The following ZNF469 variants were observed in gnomAD, a reference collection of about 807,000 sequenced individuals.
ZNF469 encodes zinc finger protein 469.
Under a neutral mutation model 1.0 loss-of-function variants are expected in ZNF469, and 1 was observed. The observed-to-expected ratio is 1.00, with a 90% CI of 0.35 to 4.73. The LOEUF (loss-of-function observed/expected upper bound fraction) is 4.73. ZNF469 is among the 30% of genes most tolerant of loss of function. The probability of loss-of-function intolerance (pLI) is 0.16; values close to 1 mark genes in which losing one functional copy is unlikely to be tolerated. For missense variants in ZNF469, 6,100 were observed against 5,356.3 expected (o/e 1.14, Z -4.33); for synonymous variants, 2,703 against 2,363.4 (o/e 1.14, Z -4.17).
At chr16:88,381,146 A>ACTCACACACG (rs199678581), upstream of ZNF469, among the ~76,000 whole-genome samples, 82 of 122,042 alleles carry the variant, frequency 6.7e-4, 1 homozygote, top group African/African-American at 2.8e-3. Context: ...ACTCACACAC[A>ACTCACACACG]CACTCACACA....
At position 88,421,823 on chromosome 16, in the gene ZNF469, T is replaced by C. The variant is rs114679653; in HGVS notation, c.-191-2984T>C. Among the ~76,000 whole-genome samples, 588 of 152,350 alleles carry C rather than the reference T, an allele frequency of 3.9e-3. 4 individuals are homozygous for C. Among genetic ancestry groups the C allele is most frequent in the African/African-American group, 0.014 (565 of 41,576 alleles). On this transcript the variant is annotated intron_variant, in intron 1 of 2. Transcript: ENST00000565624. The stretch of plus-strand genomic sequence containing the variant: ...GACCTTGGACCCGTCACACCACCTC[T>C]CTGGGCTGCAACTTCCTCACTTGCA...
At chr16:88,174,065 AAAG>A in the ZNF469 span, among the ~76,000 whole-genome samples, 1 of 152,206 alleles carries the variant, frequency 6.6e-6, no homozygotes, top group Non-Finnish European at 1.5e-5. Context: ...AAGATACAGT[AAAG>A]AAGGAAGACC....
At chr16:88,135,804 A>G in the ZNF469 span, among the ~76,000 whole-genome samples, 1 of 131,126 alleles carries the variant, frequency 7.6e-6, no homozygotes, top group Non-Finnish European at 1.5e-5. Context: ...TCTGTCGCCC[A>G]AGCTGGAGTG....
Position 88,431,863 on chromosome 16 carries a change from G to A in ZNF469, c.4393G>A (p.Asp1465Asn), listed in dbSNP as rs763106149. The stretch of plus-strand genomic sequence containing the variant: ...CCCAGACCTGCCGGTGGACAGATTC[G>A]ACCCACCCCTCTATGGCAGCCTGTC... ...LFPDLPVDRF[D>N]PPLYGSLSAN... The change falls in exon 3 of 3, where the codon GAC becomes AAC. Residue 1465 changes from aspartate to asparagine, a missense_variant. Transcript: ENST00000565624. 27 of 1,549,866 alleles carry A rather than the reference G, an allele frequency of 1.7e-5. No homozygotes were observed. The highest frequency in any genetic ancestry group is 9.6e-5 in the African/African-American group (7 of 73,014).
chr16:88,359,063 C>T, the ZNF469 span, among the ~76,000 whole-genome samples: 5 of 152,238 alleles, frequency 3.3e-5, no homozygotes, highest in Admixed American at 1.3e-4. Flanking sequence ...GCTGTGCAGA[C>T]GCTCTGCCCC....
chr16:88,125,706 T>A, the ZNF469 span, among the ~76,000 whole-genome samples: 1 of 152,238 alleles, frequency 6.6e-6, no homozygotes, highest in African/African-American at 2.4e-5. Flanking sequence ...GTATAGTAGC[T>A]CATATTTTGT....
the ZNF469 span, among the ~76,000 whole-genome samples, chr16:88,319,165 C>T: frequency 1.3e-5 from 2 of 152,274 alleles, no homozygotes; most frequent in Non-Finnish European, 2.9e-5. Flanking sequence ...GGTTCGGGCT[C>T]CTCACAGACA....
the ZNF469 span, among the ~76,000 whole-genome samples, chr16:88,256,817 G>T: frequency 6.7e-6 from 1 of 149,164 alleles, no homozygotes; most frequent in East Asian, 1.9e-4. Context: ...GTGTGGTGAG[G>T]AGCCTCTTTT....
At chr16:88,262,322 C>T in the ZNF469 span, among the ~76,000 whole-genome samples, 1 of 152,326 alleles carries the variant, frequency 6.6e-6, no homozygotes, top group African/African-American at 2.4e-5. This position sits in a 1 kb window ranked among gnomAD's most constrained non-coding sequence, Gnocchi z 4.3. Flanking sequence ...AGCGAGAAGG[C>T]AGCCTGGCTG....
At chr16:88,118,176 CAG>C in the ZNF469 span, among the ~76,000 whole-genome samples, 1 of 152,228 alleles carries the variant, frequency 6.6e-6, no homozygotes, top group African/African-American at 2.4e-5. Flanking sequence ...CTCCTGACCT[CAG>C]GTGATCTGCC....
the ZNF469 span, among the ~76,000 whole-genome samples, chr16:88,243,367 G>A: frequency 6.6e-6 from 1 of 152,144 alleles, no homozygotes; most frequent in Non-Finnish European, 1.5e-5. Flanking sequence ...TCTACAAGAG[G>A]GTTCTGGCCA....
chr16:88,260,966 C>T, the ZNF469 span, among the ~76,000 whole-genome samples: 13 of 152,302 alleles, frequency 8.5e-5, no homozygotes, highest in African/African-American at 3.1e-4. This position sits in a 1 kb window ranked among gnomAD's most constrained non-coding sequence, Gnocchi z 4.1. Flanking sequence ...GACCAAAACG[C>T]CTGCAGCCCC....
the ZNF469 span, among the ~76,000 whole-genome samples, chr16:88,268,430 C>T: frequency 6.6e-6 from 1 of 152,336 alleles, no homozygotes; most frequent in Non-Finnish European, 1.5e-5. Context: ...ATCCCCAGGG[C>T]CTCCTCTCAA....
At chr16:88,234,347 A>G in the ZNF469 span, among the ~76,000 whole-genome samples, 1 of 152,282 alleles carries the variant, frequency 6.6e-6, no homozygotes, top group Non-Finnish European at 1.5e-5. Flanking sequence ...TGCAGCAGCC[A>G]GACTTTGTAA....
At chr16:88,227,878 G>A in the ZNF469 span, among the ~76,000 whole-genome samples, 4 of 152,134 alleles carry the variant, frequency 2.6e-5, no homozygotes, top group African/African-American at 7.2e-5. Context: ...GGTGTACCCC[G>A]CCAGGCTCCG....
the ZNF469 span, among the ~76,000 whole-genome samples, chr16:88,129,763 C>A: frequency 6.6e-6 from 1 of 152,160 alleles, no homozygotes; most frequent in Non-Finnish European, 1.5e-5. Context: ...AGGAGGGCTG[C>A]GGTGGGAGGA....
At chr16:88,425,779 C>T (rs1409813902) in intron 2 of ZNF469, among the ~76,000 whole-genome samples, 1 of 152,250 alleles carries the variant, frequency 6.6e-6, no homozygotes, top group Non-Finnish European at 1.5e-5. Flanking sequence ...AAGGGGCCCT[C>T]CTCCCGGGGT....
At chr16:88,411,647 G>C (rs1461984846) in intron 1 of ZNF469, among the ~76,000 whole-genome samples, 2 of 152,114 alleles carry the variant, frequency 1.3e-5, no homozygotes, top group Admixed American at 6.5e-5. Context: ...GCTGGAGACA[G>C]GTGTCAAAAT....
the ZNF469 span, among the ~76,000 whole-genome samples, chr16:88,287,145 A>C: frequency 3.9e-5 from 6 of 152,134 alleles, no homozygotes; most frequent in Admixed American, 3.9e-4. Flanking sequence ...TATTTCACCG[A>C]ATCTTCAGTT....
Sources: allele counts gnomAD v4.1 joint callset (sites outside exome capture counted in the v4.1 genomes callset), GRCh38; gene constraint gnomAD v4.1.1; non-coding constraint Gnocchi (gnomAD v3.1); transcripts MANE v1.5; gene names NCBI Gene and HGNC (gene_info 2026-07-23, HGNC 2026-07-21).